The following LONRF2 variants were observed in gnomAD, a reference collection of about 807,000 sequenced individuals.
LONRF2 encodes LON peptidase N-terminal domain and RING finger protein 2.
LONRF2 carries 35 observed loss-of-function variants against 66.6 expected under a neutral mutation model. The ratio of observed to expected loss-of-function variants is 0.53; its 90% confidence interval spans 0.40 to 0.70. The LOEUF (loss-of-function observed/expected upper bound fraction) is 0.70, where lower values mean the gene tolerates loss of function less well. Among genes scored for constraint, LONRF2 ranks in the 30% least tolerant of loss-of-function variants. The pLI is 0.00. For synonymous variants in LONRF2, 417 were observed against 418.1 expected (o/e 1.00, Z 0.03); for missense variants, 902 against 1,002.1 (o/e 0.90, Z 1.35).
At chr2:100,292,967 CAT>C (rs1674992611) in intron 9 of LONRF2, among the ~76,000 whole-genome samples, 2 of 152,178 alleles carry the variant, frequency 1.3e-5, no homozygotes, top group African/African-American at 2.4e-5. Flanking sequence ...TTGGCGTCCA[CAT>C]ATGAGTGGAC....
chr2:100,295,258 C>A (rs890871159), intron 8 of LONRF2, among the ~76,000 whole-genome samples, 174 bp downstream of exon 8: 1 of 152,018 alleles, frequency 6.6e-6, no homozygotes, highest in Non-Finnish European at 1.5e-5. Flanking sequence ...AAAAAGAAAA[C>A]AAATTCTTAT....
At chr2:100,288,346 C>T (rs947922578) in intron 10 of LONRF2, among the ~76,000 whole-genome samples, 1 of 152,204 alleles carries the variant, frequency 6.6e-6, no homozygotes, top group Admixed American at 6.5e-5. Flanking sequence ...TACACCACTG[C>T]CCCCAAAATG....
At chr2:100,311,371 G>T (rs60881264) in intron 1 of LONRF2, among the ~76,000 whole-genome samples, 43 of 128,698 alleles carry the variant, frequency 3.3e-4, no homozygotes, top group African/African-American at 2.0e-3. Context: ...AAAAAATTTT[G>T]GAAAAAAAAA....
chr2:100,320,522 A>G (rs987682170), intron 1 of LONRF2, among the ~76,000 whole-genome samples: 1 of 152,232 alleles, frequency 6.6e-6, no homozygotes, highest in African/African-American at 2.4e-5. Context: ...TCCTAAGTTT[A>G]AAATAAAATG....
At chr2:100,284,789 G>A (rs766826528) in intron 11 of LONRF2, among the ~76,000 whole-genome samples, 4 of 152,198 alleles carry the variant, frequency 2.6e-5, no homozygotes, top group Non-Finnish European at 2.9e-5. Context: ...GTATATACCA[G>A]TCAGAGGAGA....
intron 9 of LONRF2, 68 bp from the exon 10 acceptor site, chr2:100,290,488 G>A (rs1674937652): frequency 2.0e-6 from 3 of 1,475,762 alleles, no homozygotes; most frequent in African/African-American, 2.8e-5. Context: ...TTCCCTGGAT[G>A]AGAGTTTACT....
At position 100,274,927 on chromosome 2, in the gene LONRF2, A is replaced by C. The variant is rs1674566782; in HGVS notation, c.*9371T>G. ...CAGCAGCCTCTCCTTTATGAATTAA[A>C]CGTGGGTACATTTCGATACCACGGG... On this transcript the variant is annotated 3_prime_UTR_variant, in exon 12 of 12. Coordinates refer to ENST00000393437, the MANE Select transcript of LONRF2 (RefSeq NM_198461.4). The C allele has an allele frequency of 6.6e-6, 1 of 152,232 alleles. No homozygotes were observed. Among genetic ancestry groups the C allele is most frequent in the Non-Finnish European group, 1.5e-5 (1 of 68,076 alleles). 9.4% of individuals were successfully genotyped at this position (152,232 alleles called of 1,614,324 possible).
chr2:100,316,727 T>C (rs1213166518), intron 1 of LONRF2, among the ~76,000 whole-genome samples: 3 of 152,348 alleles, frequency 2.0e-5, no homozygotes, highest in Admixed American at 6.5e-5. Flanking sequence ...TGAAGTATGT[T>C]GTATCTATAT....
intron 9 of LONRF2, among the ~76,000 whole-genome samples, chr2:100,292,337 C>T (rs1674979173): frequency 2.0e-5 from 3 of 152,200 alleles, no homozygotes; most frequent in Non-Finnish European, 4.4e-5. Context: ...AAACTCCCTT[C>T]GTGAGTGCAG....
Position 100,276,959 on chromosome 2 carries a change from G to A in LONRF2, c.*7339C>T, listed in dbSNP as rs1349177669. ...ATCCGCCTTCTCCAGGAGCACAAAT[G>A]AGGAAACTCATTGTCACACTCATTA... On this transcript the variant is annotated 3_prime_UTR_variant, in exon 12 of 12. Coordinates refer to ENST00000393437, the MANE Select transcript of LONRF2 (RefSeq NM_198461.4). 1 of 152,204 alleles carries A rather than the reference G, an allele frequency of 6.6e-6. No individual in the cohort carries two copies. The highest frequency in any genetic ancestry group is 2.4e-5 in the African/African-American group (1 of 41,454). 9.4% of individuals were successfully genotyped at this position (152,204 alleles called of 1,614,324 possible).
Position 100,322,264 on chromosome 2 carries a change from T to C in LONRF2, c.-171A>G, listed in dbSNP as rs1320151618. The C allele has an allele frequency of 3.5e-6, 2 of 573,214 alleles. No homozygotes were observed. The highest frequency in any genetic ancestry group is 8.6e-5 in the East Asian group (2 of 23,276). 35.5% of individuals were successfully genotyped at this position (573,214 alleles called of 1,614,324 possible). A position where few individuals can be genotyped will look rare whatever the true frequency, so the allele number is the denominator to read the frequency against. On this transcript the variant is annotated 5_prime_UTR_variant, in exon 1 of 12. Transcript: ENST00000393437. Reference sequence around the variant, plus strand: ...GAGACCGCGGGCGGGGGCGGGCGCCTGGCTTGGGCAGCGTCCTCAGCGCGG... The same window carrying C: ...GAGACCGCGGGCGGGGGCGGGCGCCCGGCTTGGGCAGCGTCCTCAGCGCGG...
chr2:100,310,235 C>T (rs927610720), intron 1 of LONRF2, among the ~76,000 whole-genome samples: 4 of 152,278 alleles, frequency 2.6e-5, no homozygotes, highest in Middle Eastern at 3.4e-3. Flanking sequence ...GGAAGCCAGA[C>T]CTCAGAAAGG....
intron 9 of LONRF2, among the ~76,000 whole-genome samples, chr2:100,291,191 C>G (rs1197589266): frequency 6.6e-6 from 1 of 151,036 alleles, no homozygotes. Context: ...TTTTTTTAAA[C>G]AAATTGCCAA....
At chr2:100,317,385 C>T (rs541110845) in intron 1 of LONRF2, among the ~76,000 whole-genome samples, 2 of 152,232 alleles carry the variant, frequency 1.3e-5, no homozygotes, top group South Asian at 4.1e-4. Flanking sequence ...CTGTTACTAC[C>T]TCCAAAACAG....
At chr2:100,289,918 A>G (rs1021750298) in intron 10 of LONRF2, among the ~76,000 whole-genome samples, 2 of 152,128 alleles carry the variant, frequency 1.3e-5, no homozygotes, top group African/African-American at 4.8e-5. Flanking sequence ...AGCCTGGGAA[A>G]CACAGGGAGA....
At chr2:100,300,867 G>T in intron 3 of LONRF2, 80 bp from the exon 4 acceptor site, 1 of 1,153,206 alleles carries the variant, frequency 8.7e-7, no homozygotes, top group Non-Finnish European at 1.1e-6. Context: ...TAGATTCAGA[G>T]GAAACTAAGA....
rs1450063505 is a variant in LONRF2 at position 100,321,784 on chromosome 2, G to A, written c.310C>T (p.Arg104Cys). The A allele has an allele frequency of 8.6e-6, 9 of 1,048,628 alleles. No individual in the cohort carries two copies. The highest frequency in any genetic ancestry group is 4.1e-5 in the South Asian group (1 of 24,562). 65.0% of individuals were successfully genotyped at this position (1,048,628 alleles called of 1,614,324 possible). ...GGCCGGTCGCGCAGGCCCACGGCGC[G>A]CACCAGGCCGCCCGCCAGCTCTTCC... ...ELEELAGGLV[R>C]AVGLRDRPLS... Residue 104 changes from arginine (R) to cysteine (C), a missense_variant, in exon 1 of 12, where the codon CGC becomes TGC. Arg to Cys is a radical substitution (Grantham distance 180). Around this residue, in one of 2 missense-constraint regions of LONRF2, gnomAD observed 585 missense variants for 569.9 expected, o/e 1.03. Coordinates refer to ENST00000393437, the MANE Select transcript of LONRF2 (RefSeq NM_198461.4).
chr2:100,310,058 GA>G (rs138488967), intron 1 of LONRF2, among the ~76,000 whole-genome samples: 26 of 150,598 alleles, frequency 1.7e-4, no homozygotes, highest in Admixed American at 4.0e-4. Flanking sequence ...GGAGGGAAAG[GA>G]AAAAAAAACT....
At position 100,276,475 on chromosome 2, in the gene LONRF2, T is replaced by C. The variant is rs1259116959; in HGVS notation, c.*7823A>G. On this transcript the variant is annotated 3_prime_UTR_variant, in exon 12 of 12. Transcript: ENST00000393437. ...AACAAATAATAAATTAAAATTAAAG[T>C]CAGTCTTTGGCAGTTATAAACTAGC... is the stretch of plus-strand genomic sequence containing the variant. 6.6e-6 allele frequency: 1 copy of C among 152,054 alleles called. No individual in the cohort carries two copies. The highest frequency in any genetic ancestry group is 6.5e-5 in the Admixed American group (1 of 15,268). The allele number at this position is 152,054 out of a possible 1,614,324, so 9.4% of individuals were successfully genotyped here.
Sources: allele counts gnomAD v4.1 joint callset (sites outside exome capture counted in the v4.1 genomes callset), GRCh38; gene constraint gnomAD v4.1.1; regional missense constraint gnomAD v4.1.1; transcripts MANE v1.5; gene names NCBI Gene and HGNC (gene_info 2026-07-23, HGNC 2026-07-21).